Variants in RASGRP1 observed in about 807,000 individuals in gnomAD.
RASGRP1 encodes RAS guanyl-releasing protein 1.
A neutral mutation model predicts 95.1 loss-of-function variants in RASGRP1; 37 were observed. The observed-to-expected ratio is 0.39, with a 90% CI of 0.30 to 0.51. RASGRP1 has a LOEUF of 0.51. Among genes scored for constraint, RASGRP1 ranks in the 20% least tolerant of loss-of-function variants. The pLI is 0.80. For missense variants in RASGRP1, 711 were observed against 965.4 expected (o/e 0.74, Z 3.49); for synonymous variants, 325 against 353.4 (o/e 0.92, Z 0.90).
chr15:38,564,347 G>C (rs1893941938), intron 1 of RASGRP1, among the ~76,000 whole-genome samples: 1 of 152,214 alleles, frequency 6.6e-6, no homozygotes, highest in South Asian at 2.1e-4. Context: ...AGATCTCACC[G>C]GACGAGCTCT....
intron 2 of RASGRP1, among the ~76,000 whole-genome samples, chr15:38,538,016 C>T (rs1052455951): frequency 6.6e-6 from 1 of 152,182 alleles, no homozygotes; most frequent in Non-Finnish European, 1.5e-5. Context: ...GTAATCCCAG[C>T]ACTTTGGGAG....
chr15:38,488,424 C>T lies in RASGRP1; in HGVS notation c.*2130G>A, dbSNP rs1481680398. On this transcript the variant is annotated 3_prime_UTR_variant, in exon 17 of 17. Coordinates refer to ENST00000310803, the MANE Select transcript of RASGRP1 (RefSeq NM_005739.4). ...TTTTTTTTTCCAGATTTCTGTGATCCCACTAGCCCCATGTTGCTCAACACA... is the reference window on the plus strand; with the variant it reads ...TTTTTTTTTCCAGATTTCTGTGATCTCACTAGCCCCATGTTGCTCAACACA... The T allele has an allele frequency of 2.0e-5, 3 of 150,810 alleles. No individual in the cohort carries two copies. The East Asian group carries it at 5.8e-4, about 29-fold the overall frequency. The allele number at this position is 150,810 out of a possible 1,614,324, so 9.3% of individuals were successfully genotyped here.
chr15:38,502,230 T>C, intron 12 of RASGRP1, 82 bp downstream of exon 12: 1 of 979,172 alleles, frequency 1.0e-6, no homozygotes, highest in South Asian at 1.6e-5. Context: ...ATCTGAGTTT[T>C]CAAATTCTTC....
chr15:38,548,448 C>A (rs1408296969), intron 2 of RASGRP1, among the ~76,000 whole-genome samples: 3 of 152,072 alleles, frequency 2.0e-5, no homozygotes, highest in Non-Finnish European at 4.4e-5. Context: ...GTGGCACATG[C>A]TTATAGTCCC....
In RASGRP1 at chr15:38,488,655, T is replaced by C. The variant is rs56160046; in HGVS notation, c.*1899A>G. ...TATATAAAAACTAACTGGGGATCTT[T>C]ACTTCGAATGGAGAGGAGGAAGAAT... On this transcript the variant is annotated 3_prime_UTR_variant, in exon 17 of 17. Coordinates refer to ENST00000310803, the MANE Select transcript of RASGRP1 (RefSeq NM_005739.4). The C allele has an allele frequency of 0.19, 28,716 of 151,602 alleles. 3,164 individuals carry two copies. The highest frequency in any genetic ancestry group is 0.25 in the Non-Finnish European group (17,172 of 67,740). 9.4% of individuals were successfully genotyped at this position (151,602 alleles called of 1,614,324 possible). A position where few individuals can be genotyped will look rare whatever the true frequency, so the allele number is the denominator to read the frequency against.
In RASGRP1 at chr15:38,503,343, C is replaced by T; in HGVS notation, c.1357G>A (p.Asp453Asn). The change falls in exon 11 of 17, where the codon GAC becomes AAC. Residue 453 changes from aspartate to asparagine, a missense_variant. By Grantham distance (23) the Asp-to-Asn change is conservative (BLOSUM62 1). Coordinates refer to ENST00000310803, the MANE Select transcript of RASGRP1 (RefSeq NM_005739.4). ...LTPSKPPVVV[D>N]WASGVSPKPD... ...TTGGGAGACACTCCAGAAGCCCAGT[C>T]CACTACTACTGGTGGCTTTGAAGGT... 2 of 1,612,156 alleles carry T rather than the reference C, an allele frequency of 1.2e-6. No individual in the cohort carries two copies. The highest frequency in any genetic ancestry group is 1.7e-6 in the Non-Finnish European group (2 of 1,179,104).
At chr15:38,508,693 C>G (rs1014668549) in intron 8 of RASGRP1, among the ~76,000 whole-genome samples, 18 of 152,338 alleles carry the variant, frequency 1.2e-4, no homozygotes. Context: ...AGGTTACACC[C>G]TGCTTCAAAC....
intron 16 of RASGRP1, 103 bp downstream of exon 16, chr15:38,494,279 T>A (rs556868882): frequency 1.4e-6 from 2 of 1,454,854 alleles, no homozygotes; most frequent in Admixed American, 1.9e-5. Context: ...TTTAGACTGC[T>A]TGTAATCAGC....
intron 16 of RASGRP1, 181 bp downstream of exon 16, chr15:38,494,201 T>C (rs1890705350): frequency 7.4e-6 from 6 of 815,032 alleles, no homozygotes; most frequent in Non-Finnish European, 5.9e-6. Context: ...TCAATCATCC[T>C]TTCTTCCTTC....
chr15:38,547,743 A>G (rs544271302), intron 2 of RASGRP1, among the ~76,000 whole-genome samples: 8 of 152,114 alleles, frequency 5.3e-5, no homozygotes, highest in Non-Finnish European at 8.8e-5. Context: ...TCAGTGACTC[A>G]GCTTCAGATT....
At chr15:38,541,306 T>G (rs1480633288) in intron 2 of RASGRP1, among the ~76,000 whole-genome samples, 2 of 152,086 alleles carry the variant, frequency 1.3e-5, no homozygotes, top group African/African-American at 4.8e-5. Flanking sequence ...GCTGGTTAAA[T>G]ATTTTGAAGG....
intron 9 of RASGRP1, among the ~76,000 whole-genome samples, chr15:38,506,305 C>T (rs970419100): frequency 2.6e-5 from 4 of 152,058 alleles, no homozygotes; most frequent in African/African-American, 9.7e-5. Flanking sequence ...GCAATAAAAT[C>T]CAGTTTAAAT....
chr15:38,542,902 TATACAC>T (rs1892956371), intron 2 of RASGRP1, among the ~76,000 whole-genome samples: 2 of 145,406 alleles, frequency 1.4e-5, no homozygotes, highest in Admixed American at 7.0e-5. Flanking sequence ...TGTGTATATA[TATACAC>T]ATATATATGT....
chr15:38,559,805 C>T lies in RASGRP1; in HGVS notation c.220+16G>A. ...ATAGAGTGATTTTTATGCCTGTGGG[C>T]AGTTAGCCAACTTACCAAAAGATTG... is the stretch of plus-strand genomic sequence containing the variant. On this transcript the variant is annotated intron_variant, in intron 2 of 16. Transcript: ENST00000310803. The T allele has an allele frequency of 6.2e-7, 1 of 1,608,532 alleles. No individual in the cohort carries two copies. The highest frequency in any genetic ancestry group is 8.5e-7 in the Non-Finnish European group (1 of 1,175,288).
intron 2 of RASGRP1, among the ~76,000 whole-genome samples, chr15:38,537,033 GT>G (rs201510994): frequency 3.3e-5 from 5 of 150,268 alleles, no homozygotes; most frequent in South Asian, 2.1e-4. Flanking sequence ...GCACTATTTT[GT>G]TTTTTTTTCC....
chr15:38,499,312 C>T, intron 14 of RASGRP1: 1 of 374,516 alleles, frequency 2.7e-6, no homozygotes, highest in South Asian at 2.1e-5. Context: ...TCTTTCACTC[C>T]TGAATTCTCC....
At position 38,516,159 on chromosome 15, in the gene RASGRP1, C is replaced by T. The variant is rs1226405084; in HGVS notation, c.675+38G>A. On this transcript the variant is annotated intron_variant, in intron 6 of 16. Transcript: ENST00000310803. ...ATTATCATCTTATTTTCAGAAATAT[C>T]CCAGGGAAGATTTTTCTCCTGCCCC... 7 of 1,528,720 alleles carry T rather than the reference C, an allele frequency of 4.6e-6. No homozygotes were observed. The East Asian group carries it at 1.6e-4, about 35-fold the overall frequency. 94.7% of individuals were successfully genotyped at this position (1,528,720 alleles called of 1,614,324 possible). A position where few individuals can be genotyped will look rare whatever the true frequency, so the allele number is the denominator to read the frequency against.
chr15:38,490,253 C>T lies in RASGRP1; in HGVS notation c.*301G>A, dbSNP rs543882762. ...AGGAAGAATCAGCCAGGCAGGCCACCGAGATGCCCCATTGTCAGGAAATGA... is the reference window on the plus strand; with the variant it reads ...AGGAAGAATCAGCCAGGCAGGCCACTGAGATGCCCCATTGTCAGGAAATGA... On this transcript the variant is annotated 3_prime_UTR_variant, in exon 17 of 17. Coordinates refer to ENST00000310803, the MANE Select transcript of RASGRP1 (RefSeq NM_005739.4). 3.5e-4 allele frequency: 80 copies of T among 225,948 alleles called. No homozygotes were observed. The highest frequency in any genetic ancestry group is 8.7e-5 in the East Asian group (1 of 11,494). The allele number at this position is 225,948 out of a possible 1,614,324, so 14.0% of individuals were successfully genotyped here.
At chr15:38,512,519 A>G (rs1891575226) in intron 7 of RASGRP1, among the ~76,000 whole-genome samples, 1 of 152,188 alleles carries the variant, frequency 6.6e-6, no homozygotes, top group Admixed American at 6.5e-5. Context: ...TCTTTTGAAA[A>G]ATGTTAAAGG....
Sources: gnomAD v4.1 joint callset for allele counts (sites outside exome capture counted in the v4.1 genomes callset) on GRCh38, gnomAD v4.1.1 for gene constraint, MANE v1.5 for transcripts, NCBI Gene and HGNC (gene_info 2026-07-23, HGNC 2026-07-21) for gene names.